Variants in ASH1L observed in about 807,000 individuals in gnomAD.
ASH1L encodes the protein histone-lysine N-methyltransferase ASH1L.
Under a neutral mutation model 269.0 loss-of-function variants are expected in ASH1L, and 23 were observed. The observed-to-expected ratio is 0.09, with a 90% confidence interval of 0.06 to 0.12. The LOEUF is 0.12. ASH1L is among the 10% of genes least tolerant of loss of function. The pLI, the probability that ASH1L is intolerant of heterozygous loss-of-function variation, is 1.00. For synonymous variants in ASH1L, 1,187 were observed against 1,253.5 expected (o/e 0.95, Z 1.12); for missense variants, 2,912 against 3,567.8 (o/e 0.82, Z 4.68).
chr1:155,544,058 T>C (rs1429854588), intron 1 of ASH1L, among the ~76,000 whole-genome samples: 1 of 152,122 alleles, frequency 6.6e-6, no homozygotes, highest in African/African-American at 2.4e-5. Flanking sequence ...TGAACATGGC[T>C]TACTGTACCC....
At chr1:155,431,363 C>G (rs977657745) in intron 5 of ASH1L, among the ~76,000 whole-genome samples, 4 of 151,984 alleles carry the variant, frequency 2.6e-5, no homozygotes, top group African/African-American at 9.7e-5. Flanking sequence ...GAACACAGCT[C>G]ATTGCAGCCT....
intron 4 of ASH1L, among the ~76,000 whole-genome samples, 177 bp downstream of exon 4, chr1:155,459,620 A>G (rs1212402442): frequency 6.6e-6 from 1 of 152,238 alleles, no homozygotes; most frequent in Non-Finnish European, 1.5e-5. Context: ...ATATTGTTTC[A>G]ATGTACATTA....
intron 7 of ASH1L, among the ~76,000 whole-genome samples, chr1:155,381,130 C>T (rs1300008169): frequency 6.6e-6 from 1 of 152,058 alleles, no homozygotes; most frequent in African/African-American, 2.4e-5. Flanking sequence ...ATAGCGCTAC[C>T]AGTTGAATAC....
rs1221132841 is a variant in ASH1L at position 155,361,314 on chromosome 1, C to T, written c.6687-905G>A. Among the ~76,000 whole-genome samples, 40 of 150,908 alleles carry T rather than the reference C, an allele frequency of 2.7e-4. 1 individual carries two copies. The highest frequency in any genetic ancestry group is 9.5e-4 in the African/African-American group (39 of 41,000). The stretch of plus-strand genomic sequence containing the variant: ...CAGGCAGATCACGAAGTCAGGAGTT[C>T]GAGACCAGCCTGACCAATATGGTGA... On this transcript the variant is annotated intron_variant, in intron 12 of 27. Coordinates refer to ENST00000392403, the MANE Select transcript of ASH1L (RefSeq NM_018489.3).
intron 5 of ASH1L, among the ~76,000 whole-genome samples, chr1:155,431,114 G>T (rs1383372935): frequency 6.6e-6 from 1 of 151,996 alleles, no homozygotes; most frequent in Admixed American, 6.6e-5. Context: ...CAGAGGCTGA[G>T]GCAGGAAAAT....
intron 4 of ASH1L, among the ~76,000 whole-genome samples, chr1:155,449,450 A>C (rs1663299520): frequency 6.6e-6 from 1 of 152,036 alleles, no homozygotes; most frequent in Non-Finnish European, 1.5e-5. Flanking sequence ...AAGACATTTG[A>C]TTACCCAGAA....
chr1:155,442,449 C>T (rs898849854), intron 4 of ASH1L, among the ~76,000 whole-genome samples: 6 of 151,686 alleles, frequency 4.0e-5, no homozygotes, highest in Non-Finnish European at 8.8e-5. Context: ...CGGGTGTGGT[C>T]GCAGGCGCCT....
intron 4 of ASH1L, among the ~76,000 whole-genome samples, chr1:155,441,301 C>A (rs1020626849): frequency 6.6e-6 from 1 of 151,694 alleles, no homozygotes; most frequent in Non-Finnish European, 1.5e-5. Flanking sequence ...ATCTCCACCC[C>A]CCACTCCCAC....
rs544334497 is a variant in ASH1L, at chr1:155,484,054, T to C, written c.421-1605A>G. ...GGAATGAACCAAAGATTAGCGAAAA[T>C]AGTGACTTATGGGAAAGTAAACAGG... On this transcript the variant is annotated intron_variant, in intron 2 of 27. Transcript: ENST00000392403. Among the ~76,000 whole-genome samples the C allele has an allele frequency of 7.9e-5, 12 of 152,124 alleles. No individual in the cohort carries two copies. The East Asian group carries it at 2.3e-3, about 29-fold the overall frequency.
At chr1:155,508,308 C>T (rs547460470) in intron 2 of ASH1L, among the ~76,000 whole-genome samples, 17 of 152,114 alleles carry the variant, frequency 1.1e-4, no homozygotes, top group African/African-American at 3.4e-4. Context: ...TTTCTTTCCA[C>T]TTGGGAGGAA....
intron 1 of ASH1L, among the ~76,000 whole-genome samples, chr1:155,533,542 T>C (rs1669832216): frequency 6.7e-6 from 1 of 150,032 alleles, no homozygotes; most frequent in African/African-American, 2.5e-5. Context: ...TGAAACCCCG[T>C]CTCCACTTAA....
At chr1:155,522,013 T>C (rs1471272549) in intron 1 of ASH1L, among the ~76,000 whole-genome samples, 6 of 152,348 alleles carry the variant, frequency 3.9e-5, no homozygotes, top group African/African-American at 9.6e-5. Flanking sequence ...TACAGTTTTA[T>C]TGAAGGTAAA....
Position 155,479,754 on chromosome 1 carries a change from A to G in ASH1L, c.3116T>C (p.Val1039Ala). Residue 1039 changes from valine (V) to alanine (A), a missense_variant, in exon 3 of 28, where the codon GTC (valine) becomes GCC (alanine). Physicochemically the swap from Val to Ala is moderately conservative, Grantham distance 64. Around this residue, in one of 13 missense-constraint regions of ASH1L, gnomAD observed 13 missense variants for 38.5 expected, o/e 0.34. Transcript: ENST00000392403. ...FGSKLGQQIN[V>A]SKKGTIYIGK... ...TATATAAATGGTTCCTTTCTTGCTG[A>G]CATTTATCTGTTGGCCCAATTTAGA... The G allele has an allele frequency of 6.2e-7, 1 of 1,614,136 alleles. No individual in the cohort carries two copies. The highest frequency in any genetic ancestry group is 8.5e-7 in the Non-Finnish European group (1 of 1,180,002).
chr1:155,415,785 A>G lies in ASH1L; in HGVS notation c.5967T>C (p.Tyr1989=), dbSNP rs1660161098. Residue 1989 remains tyrosine (Y), a synonymous_variant, in exon 6 of 28, where the codon TAT becomes TAC. Coordinates refer to ENST00000392403, the MANE Select transcript of ASH1L (RefSeq NM_018489.3). ...CGTCAGAATACAGCCCTGCTTTCTGATACTTCTTCTTTGGGGGACGTGGGG... is the reference window on the plus strand; with the variant it reads ...CGTCAGAATACAGCCCTGCTTTCTGGTACTTCTTCTTTGGGGGACGTGGGG... ...KKPPRPPKKK[Y]QKAGLYSDVY... 1.2e-6 allele frequency: 2 copies of G among 1,614,026 alleles called. No homozygotes were observed. Among genetic ancestry groups the G allele is most frequent in the South Asian group, 1.1e-5 (1 of 91,078 alleles).
chr1:155,403,141 T>C (rs1167059252), intron 6 of ASH1L, among the ~76,000 whole-genome samples: 1 of 151,356 alleles, frequency 6.6e-6, no homozygotes, highest in East Asian at 1.9e-4. Context: ...GCCAAGATCG[T>C]GCCATTGCAC....
At chr1:155,495,673 T>C (rs543875883) in intron 2 of ASH1L, among the ~76,000 whole-genome samples, 1 of 152,306 alleles carries the variant, frequency 6.6e-6, no homozygotes, top group African/African-American at 2.4e-5. Flanking sequence ...TAAGCTACAT[T>C]AAATTTTTAA....
chr1:155,422,293 C>T lies in ASH1L; in HGVS notation c.5829-6370G>A, dbSNP rs572849067. On this transcript the variant is annotated intron_variant, in intron 5 of 27. Transcript: ENST00000392403. ...CTGGGATTACAGGGTCACACCACCACGCCCAGCTAATTTTTTTTTTTTTTT... is the reference window on the plus strand; with the variant it reads ...CTGGGATTACAGGGTCACACCACCATGCCCAGCTAATTTTTTTTTTTTTTT... Among the ~76,000 whole-genome samples the T allele has an allele frequency of 4.0e-5, 6 of 148,254 alleles. No individual in the cohort carries two copies. In the South Asian group the frequency reaches 6.5e-4, roughly 16 times the overall value.
intron 21 of ASH1L, chr1:155,346,088 C>T (rs1032169198): frequency 1.8e-6 from 2 of 1,135,312 alleles, no homozygotes; most frequent in Admixed American, 2.4e-5. Context: ...TCCGCCTTAG[C>T]CTCCCAGTGT....
intron 3 of ASH1L, among the ~76,000 whole-genome samples, chr1:155,464,910 A>C (rs1469030545): frequency 6.6e-6 from 1 of 152,180 alleles, no homozygotes; most frequent in Non-Finnish European, 1.5e-5. Flanking sequence ...AAAGTTGAAA[A>C]AGTAAAAAAA....
Sources: allele counts gnomAD v4.1 joint callset (sites outside exome capture counted in the v4.1 genomes callset), GRCh38; gene constraint gnomAD v4.1.1; regional missense constraint gnomAD v4.1.1; transcripts MANE v1.5; gene names NCBI Gene and HGNC (gene_info 2026-07-23, HGNC 2026-07-21).